The following PRKG1 variants were observed in gnomAD, a reference collection of about 807,000 sequenced individuals.
PRKG1 encodes the protein protein kinase cGMP-dependent 1, also known as cGMP-dependent protein kinase 1.
In PRKG1, 35 loss-of-function variants were observed where a neutral mutation model predicts 88.1. The observed-to-expected ratio is 0.40, with a 90% confidence interval of 0.30 to 0.53. The LOEUF is 0.53. Ranked by LOEUF, PRKG1 falls within the 20% of genes least tolerant of loss-of-function variation. PRKG1 has a pLI of 0.59. For synonymous variants in PRKG1, 303 were observed against 292.5 expected (o/e 1.04, Z -0.37); for missense variants, 540 against 839.8 (o/e 0.64, Z 4.41).
intron 3 of PRKG1, among the ~76,000 whole-genome samples, chr10:51,564,959 A>G (rs1837561793): frequency 6.6e-6 from 1 of 151,636 alleles, no homozygotes. Flanking sequence ...TCCTTCCTTT[A>G]TTTTTGCTTT....
intron 7 of PRKG1, among the ~76,000 whole-genome samples, chr10:52,116,936 G>A (rs1436848236): frequency 6.6e-6 from 1 of 151,864 alleles, no homozygotes; most frequent in Non-Finnish European, 1.5e-5. Flanking sequence ...AAGCAATATA[G>A]AGTAACTCTT....
intron 2 of PRKG1, among the ~76,000 whole-genome samples, chr10:51,284,865 C>CTTTT (rs5784867): frequency 1.4e-4 from 7 of 51,662 alleles, no homozygotes; most frequent in Non-Finnish European, 2.1e-4. Flanking sequence ...GTTGTGGGTA[C>CTTTT]TTTTTTTTTT....
At chr10:52,235,232 C>T (rs1268666146) in intron 9 of PRKG1, among the ~76,000 whole-genome samples, 2 of 79,122 alleles carry the variant, frequency 2.5e-5, no homozygotes, top group Non-Finnish European at 5.0e-5. Flanking sequence ...TAAAGACCGT[C>T]GAGACTAGGA....
intron 9 of PRKG1, among the ~76,000 whole-genome samples, chr10:52,185,561 A>T (rs1839176456): frequency 6.6e-6 from 1 of 152,162 alleles, no homozygotes; most frequent in Non-Finnish European, 1.5e-5. Flanking sequence ...TAGCTCCAAT[A>T]GACAATGACC....
intron 1 of PRKG1, among the ~76,000 whole-genome samples, chr10:51,028,978 T>G (rs1843243984): frequency 6.6e-6 from 1 of 152,170 alleles, no homozygotes; most frequent in Non-Finnish European, 1.5e-5. Context: ...TTAACAGCTG[T>G]TCTCTCAAGG....
At chr10:51,215,542 G>A (rs916529252) in intron 2 of PRKG1, among the ~76,000 whole-genome samples, 1 of 152,192 alleles carries the variant, frequency 6.6e-6, no homozygotes. Context: ...GGGGAGCCCT[G>A]TGGGATTTTT....
chr10:51,485,096 C>A (rs1462195316), intron 3 of PRKG1, among the ~76,000 whole-genome samples: 2 of 152,038 alleles, frequency 1.3e-5, no homozygotes, highest in Non-Finnish European at 2.9e-5. Flanking sequence ...CTAATACAAG[C>A]CTTTTGCTCA....
intron 6 of PRKG1, 99 bp from the exon 7 acceptor site, chr10:52,062,438 A>G: frequency 1.4e-6 from 1 of 696,848 alleles, no homozygotes; most frequent in Non-Finnish European, 2.2e-6. Context: ...TATAAAAATA[A>G]GAAAAGAAAC....
At chr10:51,735,882 TA>T (rs1247422490) in intron 3 of PRKG1, among the ~76,000 whole-genome samples, 246 of 118,376 alleles carry the variant, frequency 2.1e-3, no homozygotes, top group African/African-American at 7.6e-3. Context: ...TATATATATG[TA>T]TATTTATTTA....
At chr10:51,121,343 G>A (rs181339814) in intron 1 of PRKG1, among the ~76,000 whole-genome samples, 1 of 152,210 alleles carries the variant, frequency 6.6e-6, no homozygotes, top group Non-Finnish European at 1.5e-5. Flanking sequence ...GTAGAAACAT[G>A]TCTTTGATGG....
intron 4 of PRKG1, among the ~76,000 whole-genome samples, chr10:51,888,214 T>TA (rs932094212): frequency 1.3e-5 from 2 of 152,072 alleles, no homozygotes; most frequent in Non-Finnish European, 2.9e-5. Flanking sequence ...TCAATAAAGC[T>TA]AAAAAAATAA....
At chr10:51,219,627 T>C (rs1170655105) in intron 2 of PRKG1, among the ~76,000 whole-genome samples, 1 of 151,764 alleles carries the variant, frequency 6.6e-6, no homozygotes, top group Non-Finnish European at 1.5e-5. Flanking sequence ...CGAGAATCAC[T>C]TGAACCCAGG....
intron 1 of PRKG1, among the ~76,000 whole-genome samples, chr10:51,079,916 T>C (rs1844063923): frequency 6.6e-6 from 1 of 152,284 alleles, no homozygotes; most frequent in Non-Finnish European, 1.5e-5. Context: ...AATGTTCTCA[T>C]TGAAAGTAAT....
chr10:52,062,688 T>A, intron 7 of PRKG1, 57 bp downstream of exon 7: 1 of 1,345,622 alleles, frequency 7.4e-7, no homozygotes, highest in Non-Finnish European at 1.0e-6. Flanking sequence ...AATTTCTGTC[T>A]GAAATTTTGA....
At chr10:51,731,096 C>T (rs1374260575) in intron 3 of PRKG1, among the ~76,000 whole-genome samples, 1 of 152,088 alleles carries the variant, frequency 6.6e-6, no homozygotes, top group East Asian at 1.9e-4. Context: ...ACAGAGGTTG[C>T]AGTGAGCCGA....
At chr10:51,004,515 G>A (rs947684102) in intron 1 of PRKG1, among the ~76,000 whole-genome samples, 8 of 151,896 alleles carry the variant, frequency 5.3e-5, no homozygotes, top group Non-Finnish European at 1.2e-4. Context: ...CTGTGGGCTG[G>A]CAGCATAAAC....
At chr10:52,292,908 C>T (rs1283029573) in intron 17 of PRKG1, among the ~76,000 whole-genome samples, 3 of 152,002 alleles carry the variant, frequency 2.0e-5, no homozygotes, top group Non-Finnish European at 2.9e-5. Flanking sequence ...AAGTTCTGGT[C>T]AGGGCAATTA....
In PRKG1 at chr10:52,293,791, A is replaced by AT. The variant is rs1377958548; in HGVS notation, c.1963-5dup. The AT allele has an allele frequency of 9.3e-6, 15 of 1,606,864 alleles. No individual in the cohort carries two copies. In the East Asian group the frequency reaches 1.1e-4, roughly 12 times the overall value. ...AAAATCCACTAAAAAAAACCTGTCCATTTTTTACAGGTTGCATCACCCACA... is the reference window on the plus strand; with the variant it reads ...AAAATCCACTAAAAAAAACCTGTCCATTTTTTTACAGGTTGCATCACCCACA... On this transcript the variant is annotated splice_polypyrimidine_tract_variant and intron_variant, in intron 17 of 17. Transcript: ENST00000373980.
chr10:51,436,723 A>G (rs770987329), intron 2 of PRKG1, among the ~76,000 whole-genome samples: 80 of 152,124 alleles, frequency 5.3e-4, no homozygotes, highest in Admixed American at 2.6e-4. Flanking sequence ...GCTTGCTGGA[A>G]TCTCAATTTT....
Sources: gnomAD v4.1 joint callset for allele counts (sites outside exome capture counted in the v4.1 genomes callset) on GRCh38, gnomAD v4.1.1 for gene constraint, MANE v1.5 for transcripts, NCBI Gene and HGNC (gene_info 2026-07-23, HGNC 2026-07-21) for gene names.